The following ACTR3C variants were observed in gnomAD, a reference collection of about 807,000 sequenced individuals.
ACTR3C encodes actin-related protein 3C.
In ACTR3C, 18 loss-of-function variants were observed where a neutral mutation model predicts 26.3. The ratio of observed to expected loss-of-function variants is 0.68; its 90% confidence interval spans 0.47 to 1.01. The LOEUF is 1.01. Ranked by LOEUF, ACTR3C falls within the 50% of genes least tolerant of loss-of-function variation. The probability of loss-of-function intolerance (pLI) is 0.00; values close to 1 mark genes in which losing one functional copy is unlikely to be tolerated. For missense variants in ACTR3C, 184 were observed against 250.7 expected, an observed-to-expected ratio of 0.73 and a Z score of 1.80; for synonymous variants, 55 against 94.5, an observed-to-expected ratio of 0.58 and a Z score of 2.42.
At chr7:149,984,809 G>A in the ACTR3C span, among the ~76,000 whole-genome samples, 2 of 151,978 alleles carry the variant, frequency 1.3e-5, no homozygotes, top group Admixed American at 6.6e-5. Flanking sequence ...ATCCACTCCA[G>A]CCAACATGTA....
chr7:150,142,311 A>G, the ACTR3C span, among the ~76,000 whole-genome samples: 39 of 151,994 alleles, frequency 2.6e-4, no homozygotes, highest in Non-Finnish European at 3.8e-4. Flanking sequence ...AACCGCAACA[A>G]CTCCTGCATG....
At chr7:150,313,965 T>C (rs912569004) in intron 1 of ACTR3C, among the ~76,000 whole-genome samples, 1 of 152,160 alleles carries the variant, frequency 6.6e-6, no homozygotes, top group African/African-American at 2.4e-5. Context: ...GTGGCAGAAA[T>C]GAACAACTCG....
intron 1 of ACTR3C, among the ~76,000 whole-genome samples, chr7:150,304,397 G>A (rs1286466130): frequency 6.6e-6 from 1 of 152,114 alleles, no homozygotes; most frequent in Non-Finnish European, 1.5e-5. Flanking sequence ...AGATAATCAT[G>A]TATTCGTAGG....
the ACTR3C span, among the ~76,000 whole-genome samples, chr7:150,216,192 A>G: frequency 6.6e-6 from 1 of 152,202 alleles, no homozygotes; most frequent in African/African-American, 2.4e-5. Flanking sequence ...TTTAGATAAA[A>G]TGGGGTCTCA....
At chr7:149,928,530 A>C in the ACTR3C span, among the ~76,000 whole-genome samples, 4 of 151,734 alleles carry the variant, frequency 2.6e-5, no homozygotes, top group Non-Finnish European at 5.9e-5. Context: ...GAATGCTCAA[A>C]AAATGAAGAC....
the ACTR3C span, among the ~76,000 whole-genome samples, chr7:150,128,400 A>G: frequency 6.6e-6 from 1 of 152,148 alleles, no homozygotes; most frequent in African/African-American, 2.4e-5. Context: ...AGCTAGCCCC[A>G]TGCTTCACAC....
chr7:150,202,418 A>G, the ACTR3C span, among the ~76,000 whole-genome samples: 1 of 152,276 alleles, frequency 6.6e-6, no homozygotes, highest in East Asian at 1.9e-4. Flanking sequence ...CTATTACCCT[A>G]AAGTCAGGGA....
At chr7:149,903,891 T>TTGTTGTTGTTGTTG in the ACTR3C span, among the ~76,000 whole-genome samples, 1 of 26,002 alleles carries the variant, frequency 3.8e-5, no homozygotes, top group African/African-American at 6.3e-5. Context: ...GTTGTTGTTG[T>TTGTTGTTGTTGTTG]TTGTTGTTGC....
chr7:150,113,104 C>T, the ACTR3C span, among the ~76,000 whole-genome samples: 1 of 152,078 alleles, frequency 6.6e-6, no homozygotes, highest in Admixed American at 6.5e-5. Flanking sequence ...CCAGCTGCAG[C>T]ACCCCACAGC....
At chr7:149,882,795 G>A in the ACTR3C span, among the ~76,000 whole-genome samples, 6,098 of 152,276 alleles carry the variant, frequency 0.04, 370 homozygotes, top group African/African-American at 0.14. Flanking sequence ...ATGGGAGAAC[G>A]TAGGAGTCGG....
chr7:150,165,788 C>A, the ACTR3C span, among the ~76,000 whole-genome samples: 1 of 150,310 alleles, frequency 6.7e-6, no homozygotes. Flanking sequence ...CCTCTGTACA[C>A]CTGCTGTCTT....
chr7:150,052,116 CA>C, the ACTR3C span, among the ~76,000 whole-genome samples: 1 of 151,448 alleles, frequency 6.6e-6, no homozygotes, highest in Non-Finnish European at 1.5e-5. Flanking sequence ...CTGTCTTTTA[CA>C]TATTATCAGC....
chr7:150,227,701 G>GTTTTTTTTTTTTTTTTTTTTTTTT, the ACTR3C span, among the ~76,000 whole-genome samples: 1 of 94,240 alleles, frequency 1.1e-5, no homozygotes, highest in African/African-American at 4.0e-5. Flanking sequence ...TTTTTTTTTT[G>GTTTTTTTTTTTTTTTTTTTTTTTT]TTTTTTTTTT....
At chr7:150,192,968 T>A in the ACTR3C span, among the ~76,000 whole-genome samples, 1 of 152,238 alleles carries the variant, frequency 6.6e-6, no homozygotes, top group Non-Finnish European at 1.5e-5. Context: ...TCTTAACCTC[T>A]GTATTGTACC....
At chr7:149,982,173 G>A in the ACTR3C span, among the ~76,000 whole-genome samples, 1 of 152,162 alleles carries the variant, frequency 6.6e-6, no homozygotes, top group Non-Finnish European at 1.5e-5. Flanking sequence ...CATCAGTATG[G>A]AGAGTGCAGC....
At chr7:150,145,222 A>C in the ACTR3C span, among the ~76,000 whole-genome samples, 631 of 150,412 alleles carry the variant, frequency 4.2e-3, no homozygotes, top group Non-Finnish European at 6.1e-3. Context: ...AACCTGTGAG[A>C]CACATGGAGA....
At chr7:150,211,070 A>G in the ACTR3C span, among the ~76,000 whole-genome samples, 309 of 150,012 alleles carry the variant, frequency 2.1e-3, no homozygotes, top group African/African-American at 7.4e-3. Context: ...TATGACAAAC[A>G]CCAATTAAGA....
the ACTR3C span, among the ~76,000 whole-genome samples, chr7:149,912,780 G>A: frequency 9.2e-5 from 14 of 152,066 alleles, no homozygotes; most frequent in South Asian, 4.2e-4. Flanking sequence ...GGTTACAGGC[G>A]TGAGCCACAG....
Position 150,284,844 on chromosome 7 carries a change from A to G in ACTR3C, c.473T>C (p.Phe158Ser), listed in dbSNP as rs764263099. The change falls in exon 6 of 8, where the codon TTT becomes TCT. Residue 158 changes from phenylalanine (F) to serine (S), a missense_variant and splice_region_variant. Coordinates refer to ENST00000683684, the MANE Select transcript of ACTR3C (RefSeq NM_001164458.2). ...GGACTCCATAGAGTCTGGGTTGGCAAACTGAATTGTATATCAATATAAAAG... is the reference window on the plus strand; with the variant it reads ...GGACTCCATAGAGTCTGGGTTGGCAGACTGAATTGTATATCAATATAAAAG... The part of the protein sequence containing the change: ...LGPEIFFHPE[F>S]ANPDSMESIS... 32 of 1,609,116 alleles carry G rather than the reference A, an allele frequency of 2.0e-5. No individual in the cohort carries two copies. The South Asian group carries it at 3.6e-4, about 18-fold the overall frequency.
Sources: allele counts gnomAD v4.1 joint callset (sites outside exome capture counted in the v4.1 genomes callset), GRCh38; gene constraint gnomAD v4.1.1; transcripts MANE v1.5; gene names NCBI Gene and HGNC (gene_info 2026-07-23, HGNC 2026-07-21).